The following TJP1 variants were observed in gnomAD, a reference collection of about 807,000 sequenced individuals.
The protein encoded by TJP1 is tight junction protein ZO-1.
TJP1 carries 43 observed loss-of-function variants against 194.2 expected under a neutral mutation model. The ratio of observed to expected loss-of-function variants is 0.22; its 90% CI spans 0.17 to 0.29. The LOEUF is 0.29. TJP1 is among the 10% of genes least tolerant of loss of function. The probability of loss-of-function intolerance (pLI) is 1.00; values close to 1 mark genes in which losing one functional copy is unlikely to be tolerated. For synonymous variants in TJP1, 801 were observed against 779.0 expected (o/e 1.03, Z -0.47); for missense variants, 1,971 against 2,185.7 (o/e 0.90, Z 1.96).
In TJP1 at chr15:29,773,289, T is replaced by C; in HGVS notation, c.153A>G (p.Glu51=). 6.2e-7 allele frequency: 1 copy of C among 1,614,120 alleles called. No homozygotes were observed. Among genetic ancestry groups the C allele is most frequent in the Non-Finnish European group, 8.5e-7 (1 of 1,179,976 alleles). The change falls in exon 3 of 28, where the codon GAA becomes GAG. Residue 51 remains glutamate (E), a synonymous_variant. Coordinates refer to ENST00000614355, the MANE Select transcript of TJP1 (RefSeq NM_001330239.4). The part of the protein sequence containing the change: ...GRDNPHFQSG[E]TSIVISDVLK... ...GCACATCTGAAATCACTATTGACGT[T>C]TCCCCACTCTGAAAATGAGGATTAT...
At chr15:29,875,816 G>A (rs1428421150) in intron 2 of TJP1, among the ~76,000 whole-genome samples, 3 of 151,972 alleles carry the variant, frequency 2.0e-5, no homozygotes, top group Admixed American at 2.0e-4. Flanking sequence ...TGCCCGCCTC[G>A]GCCTCCCAAA....
intron 8 of TJP1, among the ~76,000 whole-genome samples, chr15:29,744,389 C>T (rs2044627965): frequency 6.6e-6 from 1 of 152,012 alleles, no homozygotes; most frequent in Admixed American, 6.6e-5. Context: ...TACAAATGTA[C>T]TCAAGAAAAC....
chr15:29,902,364 A>C (rs970993865), intron 2 of TJP1, among the ~76,000 whole-genome samples: 2 of 152,170 alleles, frequency 1.3e-5, no homozygotes, highest in Non-Finnish European at 2.9e-5. Flanking sequence ...TAGATAGAGG[A>C]AGAAATCATT....
At chr15:29,862,624 T>TAGGC (rs1410975761) in intron 2 of TJP1, among the ~76,000 whole-genome samples, 1 of 148,678 alleles carries the variant, frequency 6.7e-6, no homozygotes, top group African/African-American at 2.5e-5. Context: ...CCTTGGGAGG[T>TAGGC]AGGCAATAGG....
At chr15:29,791,257 C>T (rs1163148102) in intron 2 of TJP1, among the ~76,000 whole-genome samples, 3 of 151,818 alleles carry the variant, frequency 2.0e-5, no homozygotes, top group Non-Finnish European at 4.4e-5. Flanking sequence ...GAATTCCTGA[C>T]CTCAGGTGAT....
chr15:29,871,722 T>G (rs558327537), intron 2 of TJP1, among the ~76,000 whole-genome samples: 1 of 152,340 alleles, frequency 6.6e-6, no homozygotes, highest in Non-Finnish European at 1.5e-5. Flanking sequence ...GTCATCGGAC[T>G]GCAGCCCCAA....
chr15:29,756,470 T>C (rs1257318764), intron 8 of TJP1, among the ~76,000 whole-genome samples: 5 of 152,234 alleles, frequency 3.3e-5, no homozygotes, highest in Non-Finnish European at 5.9e-5. Flanking sequence ...TATGCCATTG[T>C]GGAATGGGTT....
intron 2 of TJP1, among the ~76,000 whole-genome samples, chr15:29,834,430 G>A (rs190508303): frequency 4.0e-5 from 6 of 151,786 alleles, no homozygotes; most frequent in Admixed American, 6.5e-5. Flanking sequence ...ATCGTGGCCA[G>A]GCTGTTCTTG....
At chr15:29,753,095 A>G (rs1427498802) in intron 8 of TJP1, among the ~76,000 whole-genome samples, 1 of 152,162 alleles carries the variant, frequency 6.6e-6, no homozygotes, top group Non-Finnish European at 1.5e-5. Context: ...GCATTTAACC[A>G]CTAACGAAAA....
upstream of TJP1, chr15:29,822,469 G>C (rs2050473163): frequency 1.0e-6 from 1 of 985,296 alleles, no homozygotes; most frequent in South Asian, 4.7e-5. Context: ...CAGCGGCCAC[G>C]CAAACCTGCC....
At chr15:29,943,777 C>T (rs918294987) in intron 2 of TJP1, among the ~76,000 whole-genome samples, 1 of 142,018 alleles carries the variant, frequency 7.0e-6, no homozygotes, top group African/African-American at 2.7e-5. Context: ...GGTGAAACCC[C>T]GTCTCTACTA....
At chr15:29,932,754 T>C (rs2054761018) in intron 2 of TJP1, among the ~76,000 whole-genome samples, 1 of 152,122 alleles carries the variant, frequency 6.6e-6, no homozygotes, top group African/African-American at 2.4e-5. Flanking sequence ...ATCAACAATC[T>C]TCTCTCCAAA....
chr15:29,822,176 G>T lies in TJP1; in HGVS notation c.-148C>A, dbSNP rs1053440782. 3.1e-5 allele frequency: 37 copies of T among 1,181,670 alleles called. No individual in the cohort carries two copies. The highest frequency in any genetic ancestry group is 4.8e-5 in the African/African-American group (3 of 62,466). 73.2% of individuals were successfully genotyped at this position (1,181,670 alleles called of 1,614,324 possible). ...GGCGGCCGGAAGGGCCCGGCCCAGG[G>T]GGAGGGAATTCAACTCGGACAAAAG... On this transcript the variant is annotated 5_prime_UTR_variant, in exon 1 of 28. Coordinates refer to ENST00000614355, the MANE Select transcript of TJP1 (RefSeq NM_001330239.4).
Position 29,701,954 on chromosome 15 carries a change from G to T in TJP1, c.5213-265C>A, listed in dbSNP as rs200198049. Among the ~76,000 whole-genome samples, 121 of 152,048 alleles carry T rather than the reference G, an allele frequency of 8.0e-4. 1 individual carries two copies. In the East Asian group the frequency reaches 0.021, roughly 26 times the overall value. On this transcript the variant is annotated intron_variant, in intron 27 of 27. Coordinates refer to ENST00000614355, the MANE Select transcript of TJP1 (RefSeq NM_001330239.4). ...CATTAAGAACAGTTTTTTGTTTTTT[G>T]TTTTTAATTTTCAGACTTCTCCTTT...
Position 29,822,144 on chromosome 15 carries a change from G to A in TJP1, c.-116C>T. 1.7e-6 allele frequency: 2 copies of A among 1,191,738 alleles called. No individual in the cohort carries two copies. Among genetic ancestry groups the A allele is most frequent in the Non-Finnish European group, 2.1e-6 (2 of 960,786 alleles). 73.8% of individuals were successfully genotyped at this position (1,191,738 alleles called of 1,614,324 possible). On this transcript the variant is annotated 5_prime_UTR_variant, in exon 1 of 28. Coordinates refer to ENST00000614355, the MANE Select transcript of TJP1 (RefSeq NM_001330239.4). ...CATCTCCCGAGAGCGAGCGGGGCAC[G>A]GGCGGGGGCGGCCGGAAGGGCCCGG...
chr15:29,815,198 TA>T (rs2049827845), intron 1 of TJP1, among the ~76,000 whole-genome samples: 1 of 152,210 alleles, frequency 6.6e-6, no homozygotes, highest in Admixed American at 6.5e-5. Flanking sequence ...CTGCAATAAA[TA>T]AATAAAGATG....
intron 8 of TJP1, among the ~76,000 whole-genome samples, chr15:29,745,317 A>AAC (rs397784364): frequency 2.7e-5 from 4 of 150,654 alleles, no homozygotes; most frequent in East Asian, 3.9e-4. Context: ...AAAAAAAAAA[A>AAC]CTTAATGAAT....
At chr15:29,908,588 T>A (rs1314169784) in intron 2 of TJP1, among the ~76,000 whole-genome samples, 1 of 152,250 alleles carries the variant, frequency 6.6e-6, no homozygotes. Context: ...AGTGGCCATC[T>A]GTTTTGAAGG....
At chr15:29,881,263 C>T (rs1042415032) in intron 2 of TJP1, among the ~76,000 whole-genome samples, 1 of 152,206 alleles carries the variant, frequency 6.6e-6, no homozygotes, top group East Asian at 1.9e-4. Context: ...AATGTCTGTT[C>T]AAGTCCTTTG....
Sources: gnomAD v4.1 joint callset for allele counts (sites outside exome capture counted in the v4.1 genomes callset) on GRCh38, gnomAD v4.1.1 for gene constraint, MANE v1.5 for transcripts, NCBI Gene and HGNC (gene_info 2026-07-23, HGNC 2026-07-21) for gene names.